The following RELL1 variants were observed in gnomAD, a reference collection of about 807,000 sequenced individuals.
The protein encoded by RELL1 is RELT like 1, also known as RELT-like protein 1.
RELL1 carries 10 observed loss-of-function variants against 23.0 expected under a neutral mutation model. The observed-to-expected ratio is 0.43, with a 90% confidence interval of 0.27 to 0.74. The LOEUF is 0.74. Among genes scored for constraint, RELL1 ranks in the 30% least tolerant of loss-of-function variants. The probability of loss-of-function intolerance (pLI) is 0.19; values close to 1 mark genes in which losing one functional copy is unlikely to be tolerated. For missense variants in RELL1, 315 were observed against 364.4 expected, an observed-to-expected ratio of 0.86 and a Z score of 1.10; for synonymous variants, 146 against 146.8, an observed-to-expected ratio of 0.99 and a Z score of 0.04.
At chr4:37,627,858 G>A (rs1357184335) in intron 6 of RELL1, among the ~76,000 whole-genome samples, 2 of 152,122 alleles carry the variant, frequency 1.3e-5, no homozygotes, top group Non-Finnish European at 2.9e-5. Context: ...TCTAAAGACT[G>A]TATCAGATTG....
At chr4:37,624,776 C>T (rs1397842290) in intron 6 of RELL1, among the ~76,000 whole-genome samples, 2 of 152,048 alleles carry the variant, frequency 1.3e-5, no homozygotes, top group Non-Finnish European at 2.9e-5. Context: ...AGAAAATGGC[C>T]CAAATTCCTA....
chr4:37,617,611 C>T (rs963991431), intron 6 of RELL1, among the ~76,000 whole-genome samples: 1 of 152,220 alleles, frequency 6.6e-6, no homozygotes, highest in African/African-American at 2.4e-5. Context: ...GGTGAAACCA[C>T]GTCTCTACTA....
downstream of RELL1, among the ~76,000 whole-genome samples, chr4:37,606,753 T>C (rs1208092487): frequency 2.6e-5 from 4 of 152,250 alleles, no homozygotes; most frequent in Non-Finnish European, 4.4e-5. This position sits in a 1 kb window ranked among gnomAD's most constrained non-coding sequence, Gnocchi z 4.1. Context: ...CACCCAGGTT[T>C]TGGTAATTTG....
chr4:37,678,014 T>TA (rs1433030433), intron 1 of RELL1, among the ~76,000 whole-genome samples: 4 of 152,080 alleles, frequency 2.6e-5, no homozygotes, highest in East Asian at 1.9e-4. Flanking sequence ...ATTTATTTTT[T>TA]AAAAAAAGAG....
chr4:37,651,852 A>G (rs964476088), intron 1 of RELL1, among the ~76,000 whole-genome samples: 1 of 152,190 alleles, frequency 6.6e-6, no homozygotes, highest in African/African-American at 2.4e-5. Flanking sequence ...TCATAGCTCA[A>G]TAAAATTCTT....
At chr4:37,653,389 A>T (rs867951641) in intron 1 of RELL1, among the ~76,000 whole-genome samples, 22 of 145,560 alleles carry the variant, frequency 1.5e-4, no homozygotes, top group Admixed American at 4.7e-4. Flanking sequence ...AAGTATTGAA[A>T]CCTCAATATT....
chr4:37,648,073 C>T (rs532855117), intron 2 of RELL1, among the ~76,000 whole-genome samples: 26 of 152,278 alleles, frequency 1.7e-4, no homozygotes, highest in African/African-American at 5.5e-4. Flanking sequence ...AGGGTTGAAA[C>T]GCTCCATCCT....
Position 37,634,904 on chromosome 4 carries a change from C to A in RELL1, c.663G>T (p.Thr221=), listed in dbSNP as rs201810967. The A allele has an allele frequency of 1.4e-5, 23 of 1,614,242 alleles. No individual in the cohort carries two copies. The East Asian group carries it at 4.9e-4, about 34-fold the overall frequency. ...GATCTTACCTGCCAACAGAAAGGAC[C>A]GTGACCTCGCCTTGGCGCCGTGGTC... ...ESRPRRQGEV[T]VLSVGRFRVT... is the part of the protein sequence containing the mutation. Residue 221 remains threonine (T), a synonymous_variant, in exon 5 of 7, where the codon ACG becomes ACT. Transcript: ENST00000454158.
intron 1 of RELL1, among the ~76,000 whole-genome samples, chr4:37,669,022 C>CT (rs1392279370): frequency 2.3e-5 from 3 of 130,732 alleles, no homozygotes; most frequent in Non-Finnish European, 4.8e-5. Context: ...GTCAGCCCCC[C>CT]GCCTGGCCAG....
At chr4:37,647,021 G>A (rs1720731298) in intron 3 of RELL1, among the ~76,000 whole-genome samples, 1 of 152,162 alleles carries the variant, frequency 6.6e-6, no homozygotes, top group Non-Finnish European at 1.5e-5. Context: ...CACCGTGCCA[G>A]GCTGAGGTAA....
intron 4 of RELL1, among the ~76,000 whole-genome samples, chr4:37,636,867 A>G (rs558970393): frequency 2.0e-5 from 3 of 152,242 alleles, no homozygotes; most frequent in South Asian, 4.2e-4. Context: ...CCACCTACAC[A>G]CTTAAAAAAG....
intron 5 of RELL1, among the ~76,000 whole-genome samples, chr4:37,632,218 C>G (rs1720167756): frequency 6.6e-6 from 1 of 151,122 alleles, no homozygotes; most frequent in East Asian, 2.0e-4. Context: ...GCTGCCCAGA[C>G]TGGAGTGCAG....
At chr4:37,590,459 C>A (rs1718544038), downstream of RELL1, 4 of 1,610,842 alleles carry the variant, frequency 2.5e-6, no homozygotes, top group Non-Finnish European at 3.4e-6. Context: ...CCAACTCAAC[C>A]CTTCCTGGAA....
At chr4:37,596,732 ATATATTTTTTTTTTT>A (rs1359082004) in intron 6 of RELL1, among the ~76,000 whole-genome samples, 1 of 17,092 alleles carries the variant, frequency 5.9e-5, no homozygotes, top group African/African-American at 1.7e-4. Context: ...ATATATATAT[ATATATTTTTTTTTTT>A]TTTTTTTTTT....
intron 1 of RELL1, among the ~76,000 whole-genome samples, chr4:37,652,640 G>A (rs1197492596): frequency 1.3e-5 from 2 of 151,990 alleles, no homozygotes; most frequent in Non-Finnish European, 2.9e-5. Context: ...ATGAAAGAGG[G>A]GCTCAGAATT....
At chr4:37,608,348 GA>G (rs1392395727), downstream of RELL1, among the ~76,000 whole-genome samples, 1 of 152,158 alleles carries the variant, frequency 6.6e-6, no homozygotes, top group Non-Finnish European at 1.5e-5. Context: ...GTTAAGTTGT[GA>G]ATGCAAAGCA....
intron 1 of RELL1, among the ~76,000 whole-genome samples, chr4:37,651,548 T>C (rs550959617): frequency 5.1e-4 from 78 of 152,296 alleles, no homozygotes; most frequent in South Asian, 1.0e-3. Flanking sequence ...AGAATCCGTA[T>C]TGTAATTGAG....
In RELL1 at chr4:37,647,393, G is replaced by A. The variant is rs1264926651; in HGVS notation, c.360C>T (p.Ile120=). The change falls in exon 3 of 7, where the codon ATC becomes ATT. Residue 120 remains isoleucine (I), a synonymous_variant. Coordinates refer to ENST00000454158, the MANE Select transcript of RELL1 (RefSeq NM_001085400.2). ...CTTCATTTTTCATGATGTAGTGGAC[G>A]ATTTGCCCAACAGTGTCACTGTTTT... ...VNENSDTVGQ[I]VHYIMKNEAN... 6.2e-6 allele frequency: 10 copies of A among 1,612,926 alleles called. No individual in the cohort carries two copies. Among genetic ancestry groups the A allele is most frequent in the South Asian group, 1.1e-5 (1 of 91,002 alleles).
chr4:37,676,798 G>A (rs1166269026), intron 1 of RELL1, among the ~76,000 whole-genome samples: 1 of 152,068 alleles, frequency 6.6e-6, no homozygotes, highest in East Asian at 1.9e-4. Context: ...AAAAAGCTTT[G>A]GACCAAGAGT....
Sources: allele counts gnomAD v4.1 joint callset (sites outside exome capture counted in the v4.1 genomes callset), GRCh38; gene constraint gnomAD v4.1.1; non-coding constraint Gnocchi (gnomAD v3.1); transcripts MANE v1.5; gene names NCBI Gene and HGNC (gene_info 2026-07-23, HGNC 2026-07-21).